Variants in GRIN2B observed in about 807,000 individuals in gnomAD.
GRIN2B encodes glutamate receptor ionotropic, NMDA 2B.
Under a neutral mutation model 114.5 loss-of-function variants are expected in GRIN2B, and 5 were observed. The observed-to-expected ratio is 0.04, with a 90% confidence interval of 0.02 to 0.09. GRIN2B has a LOEUF of 0.09. GRIN2B is among the 10% of genes least tolerant of loss of function. The pLI is 1.00. For missense variants in GRIN2B, 1,108 were observed against 1,943.5 expected (o/e 0.57, Z 8.08); for synonymous variants, 787 against 745.1 (o/e 1.06, Z -0.92).
chr12:13,926,826 G>T (rs934868764), intron 2 of GRIN2B, among the ~76,000 whole-genome samples: 4 of 152,072 alleles, frequency 2.6e-5, no homozygotes, highest in African/African-American at 9.7e-5. Context: ...GGTGGCAGGC[G>T]CCTGTAGTCC....
At chr12:13,978,737 T>C (rs1863076330) in intron 2 of GRIN2B, among the ~76,000 whole-genome samples, 1 of 152,138 alleles carries the variant, frequency 6.6e-6, no homozygotes, top group Non-Finnish European at 1.5e-5. Context: ...GGACATATGG[T>C]CAGTGGAGCA....
At chr12:13,679,553 G>A (rs1950109080) in intron 4 of GRIN2B, among the ~76,000 whole-genome samples, 1 of 152,012 alleles carries the variant, frequency 6.6e-6, no homozygotes, top group African/African-American at 2.4e-5. Context: ...AAAAACATTA[G>A]TAAAATTTTA....
At chr12:13,806,567 G>T (rs138097294) in intron 3 of GRIN2B, among the ~76,000 whole-genome samples, 1 of 152,074 alleles carries the variant, frequency 6.6e-6, no homozygotes, top group East Asian at 1.9e-4. Context: ...TTTAAGTCAG[G>T]TTATTAGTTT....
chr12:13,856,533 G>A (rs183267051), intron 3 of GRIN2B, among the ~76,000 whole-genome samples: 7 of 152,246 alleles, frequency 4.6e-5, no homozygotes, highest in Admixed American at 1.3e-4. Context: ...TCAAGGTCCC[G>A]TTACTGTCGG....
In GRIN2B at chr12:13,557,920, C is replaced by T. The variant is rs1948494146; in HGVS notation, c.*4863G>A. Reference sequence around the variant, plus strand: ...TTACTTTCATTCGAATGACAGACAGCTCAGCTCAGTGCTAAAGCAACAAAT... The same window carrying T: ...TTACTTTCATTCGAATGACAGACAGTTCAGCTCAGTGCTAAAGCAACAAAT... On this transcript the variant is annotated 3_prime_UTR_variant, in exon 14 of 14. Coordinates refer to ENST00000609686, the MANE Select transcript of GRIN2B (RefSeq NM_000834.5). The T allele has an allele frequency of 6.6e-6, 1 of 152,214 alleles. No individual in the cohort carries two copies. Among genetic ancestry groups the T allele is most frequent in the Non-Finnish European group, 1.5e-5 (1 of 68,050 alleles). 9.4% of individuals were successfully genotyped at this position (152,214 alleles called of 1,614,324 possible). A position where few individuals can be genotyped will look rare whatever the true frequency, so the allele number is the denominator to read the frequency against.
intron 4 of GRIN2B, among the ~76,000 whole-genome samples, chr12:13,711,309 T>C (rs184667845): frequency 0.12 from 18,446 of 151,974 alleles, 1,533 homozygotes; most frequent in East Asian, 0.3. Flanking sequence ...ATTCAGGACA[T>C]AGGCATGGGC....
chr12:13,811,786 G>A (rs761698608), intron 3 of GRIN2B, among the ~76,000 whole-genome samples: 3 of 152,176 alleles, frequency 2.0e-5, no homozygotes, highest in African/African-American at 7.2e-5. Context: ...ACTGGAGAGT[G>A]GAGAGTGATA....
intron 4 of GRIN2B, among the ~76,000 whole-genome samples, chr12:13,681,438 T>C (rs1861889271): frequency 6.6e-6 from 1 of 152,146 alleles, no homozygotes; most frequent in South Asian, 2.1e-4. Flanking sequence ...TCTCTAGCTA[T>C]TAAAAGTAAA....
intron 4 of GRIN2B, among the ~76,000 whole-genome samples, chr12:13,744,651 A>T (rs1039650108): frequency 1.3e-5 from 2 of 152,086 alleles, no homozygotes; most frequent in African/African-American, 4.8e-5. Flanking sequence ...CATTGAGGGA[A>T]GCTGTAGGCA....
chr12:13,552,286 C>A lies in GRIN2B; in HGVS notation c.*10497G>T, dbSNP rs1286001306. On this transcript the variant is annotated 3_prime_UTR_variant, in exon 14 of 14. Transcript: ENST00000609686. ...TCCTTGTGGATATCAGGACCTCACA[C>A]ATAAGGTTGCATTCAGGTTCCTCAC... 1 of 152,160 alleles carries A rather than the reference C, an allele frequency of 6.6e-6. No individual in the cohort carries two copies. Among genetic ancestry groups the A allele is most frequent in the Non-Finnish European group, 1.5e-5 (1 of 68,018 alleles). 9.4% of individuals were successfully genotyped at this position (152,160 alleles called of 1,614,324 possible).
chr12:13,600,998 G>C lies in GRIN2B; in HGVS notation c.2010+7605C>G, dbSNP rs147605764. Among the ~76,000 whole-genome samples the C allele has an allele frequency of 8.7e-4, 132 of 152,308 alleles. No homozygotes were observed. The Middle Eastern group carries it at 0.014, about 16-fold the overall frequency. On this transcript the variant is annotated intron_variant, in intron 10 of 13. Transcript: ENST00000609686. The stretch of plus-strand genomic sequence containing the variant: ...CCATTCTTCCAGGCAAAGGAGAGGG[G>C]AACTGAATCTGATCCCACTGCAAGA...
Position 13,555,824 on chromosome 12 carries a change from A to T in GRIN2B, c.*6959T>A, listed in dbSNP as rs1187857021. ...ACACTGAGTCAACATTGGAGAAATT[A>T]AAAAGTCCAAGTGAGTAGGCTTCAG... On this transcript the variant is annotated 3_prime_UTR_variant, in exon 14 of 14. Coordinates refer to ENST00000609686, the MANE Select transcript of GRIN2B (RefSeq NM_000834.5). 6.6e-6 allele frequency: 1 copy of T among 152,190 alleles called. No individual in the cohort carries two copies. Among genetic ancestry groups the T allele is most frequent in the African/African-American group, 2.4e-5 (1 of 41,454 alleles). The allele number at this position is 152,190 out of a possible 1,614,324, so 9.4% of individuals were successfully genotyped here. A position where few individuals can be genotyped will look rare whatever the true frequency, so the allele number is the denominator to read the frequency against.
rs551436522 is a variant in GRIN2B, at chr12:13,558,964, T to C, written c.*3819A>G. ...CAACCACTTCTGCAATGGAAGGGAA[T>C]GATAGAGGGTACAAAGCGAGAAAGC... On this transcript the variant is annotated 3_prime_UTR_variant, in exon 14 of 14. Transcript: ENST00000609686. 6 of 152,290 alleles carry C rather than the reference T, an allele frequency of 3.9e-5. No individual in the cohort carries two copies. Among genetic ancestry groups the C allele is most frequent in the East Asian group, 1.9e-4 (1 of 5,186 alleles). The allele number at this position is 152,290 out of a possible 1,614,324, so 9.4% of individuals were successfully genotyped here. A position where few individuals can be genotyped will look rare whatever the true frequency, so the allele number is the denominator to read the frequency against.
At chr12:13,888,804 AAT>A in intron 2 of GRIN2B, among the ~76,000 whole-genome samples, 1 of 149,750 alleles carries the variant, frequency 6.7e-6, no homozygotes, top group South Asian at 2.1e-4. Flanking sequence ...AAAAAAAAAA[AAT>A]GGTATAGGGC....
intron 2 of GRIN2B, among the ~76,000 whole-genome samples, chr12:13,871,386 A>G (rs1865903731): frequency 6.6e-6 from 1 of 151,920 alleles, no homozygotes; most frequent in South Asian, 2.1e-4. Context: ...ATCTTAAAAA[A>G]AAAAAACTTG....
At chr12:13,879,671 C>T (rs887572384) in intron 2 of GRIN2B, among the ~76,000 whole-genome samples, 3 of 152,206 alleles carry the variant, frequency 2.0e-5, no homozygotes, top group Admixed American at 2.0e-4. Flanking sequence ...TAGAATAGCA[C>T]ATATATCAGG....
intron 4 of GRIN2B, among the ~76,000 whole-genome samples, chr12:13,719,939 G>A (rs375686571): frequency 3.3e-5 from 5 of 151,980 alleles, no homozygotes; most frequent in Non-Finnish European, 7.4e-5. Context: ...TTCCAGTCCA[G>A]CTACCTTGTA....
At chr12:13,754,170 C>A (rs1863537990) in intron 3 of GRIN2B, among the ~76,000 whole-genome samples, 1 of 152,124 alleles carries the variant, frequency 6.6e-6, no homozygotes, top group Admixed American at 6.5e-5. Flanking sequence ...TGTCTGAAAT[C>A]CTTGGGGTTT....
intron 10 of GRIN2B, among the ~76,000 whole-genome samples, chr12:13,585,503 T>TA (rs1948909010): frequency 1.3e-5 from 2 of 152,194 alleles, no homozygotes; most frequent in Non-Finnish European, 2.9e-5. Flanking sequence ...TATGGAATGT[T>TA]AGTATTGGGA....
Sources: gnomAD v4.1 joint callset for allele counts (sites outside exome capture counted in the v4.1 genomes callset) on GRCh38, gnomAD v4.1.1 for gene constraint, MANE v1.5 for transcripts, NCBI Gene and HGNC (gene_info 2026-07-23, HGNC 2026-07-21) for gene names.